The following SNTB1 variants were observed in gnomAD, a reference collection of about 807,000 sequenced individuals.
SNTB1 encodes the protein beta-1-syntrophin.
SNTB1 carries 36 observed loss-of-function variants against 48.9 expected under a neutral mutation model. The ratio of observed to expected loss-of-function variants is 0.74; its 90% CI spans 0.56 to 0.97. SNTB1 has a LOEUF of 0.97. SNTB1 is among the 50% of genes least tolerant of loss of function. The pLI is 0.00. For missense variants in SNTB1, 786 were observed against 703.4 expected (o/e 1.12, Z -1.33); for synonymous variants, 299 against 294.6 (o/e 1.01, Z -0.15).
chr8:120,783,817 C>T (rs1395766842), intron 1 of SNTB1, among the ~76,000 whole-genome samples: 3 of 151,994 alleles, frequency 2.0e-5, no homozygotes, highest in Non-Finnish European at 4.4e-5. Context: ...ATAGATAAAA[C>T]AAAAATTTTT....
intron 3 of SNTB1, among the ~76,000 whole-genome samples, chr8:120,598,479 A>G (rs1004290895): frequency 2.6e-5 from 4 of 152,178 alleles, no homozygotes; most frequent in Admixed American, 6.5e-5. Context: ...CTCTGTGCTA[A>G]GTACTGAACT....
chr8:120,666,403 A>T (rs961705401), intron 2 of SNTB1, among the ~76,000 whole-genome samples: 1 of 152,182 alleles, frequency 6.6e-6, no homozygotes, highest in African/African-American at 2.4e-5. Flanking sequence ...TGTTGCTTAA[A>T]TGCCTGCTCA....
chr8:120,794,649 T>C (rs1820092155), intron 1 of SNTB1, among the ~76,000 whole-genome samples: 1 of 152,004 alleles, frequency 6.6e-6, no homozygotes, highest in South Asian at 2.1e-4. Flanking sequence ...TTTAGGTTAT[T>C]TGGTAATATT....
intron 1 of SNTB1, among the ~76,000 whole-genome samples, chr8:120,721,728 T>A (rs1424885039): frequency 6.6e-6 from 1 of 152,216 alleles, no homozygotes; most frequent in Non-Finnish European, 1.5e-5. Context: ...AGTTTATTTT[T>A]TTCATTTTTA....
At chr8:120,647,202 T>C (rs1817312890) in intron 2 of SNTB1, among the ~76,000 whole-genome samples, 1 of 134,560 alleles carries the variant, frequency 7.4e-6, no homozygotes, top group African/African-American at 2.8e-5. Flanking sequence ...TCTTGACTTC[T>C]GCTAGCTTTT....
At chr8:120,749,724 C>T (rs1393379600) in intron 1 of SNTB1, among the ~76,000 whole-genome samples, 1 of 152,024 alleles carries the variant, frequency 6.6e-6, no homozygotes, top group South Asian at 2.1e-4. Flanking sequence ...TTTACATTTC[C>T]GCTGCAAGTC....
chr8:120,548,899 G>T lies in SNTB1; in HGVS notation c.1196C>A (p.Ala399Glu). ...CCCTTGCCTGGTACCAGTTCGCGTT[G>T]CAAAGGACAGATCCACACCAGCCTG... ...SPQAGVDLSF[A>E]TRTGTRQGIE... is the part of the protein sequence containing the mutation. Residue 399 changes from alanine (A) to glutamate (E), a missense_variant, in exon 5 of 7, where the codon GCA becomes GAA. Ala to Glu is a moderately radical substitution (Grantham distance 107). Transcript: ENST00000517992. 6.2e-7 allele frequency: 1 copy of T among 1,612,010 alleles called. No homozygotes were observed. The highest frequency in any genetic ancestry group is 8.5e-7 in the Non-Finnish European group (1 of 1,178,988).
intron 4 of SNTB1, among the ~76,000 whole-genome samples, chr8:120,551,154 G>C (rs952312100): frequency 1.8e-4 from 27 of 151,658 alleles, no homozygotes; most frequent in African/African-American, 5.8e-4. Context: ...TACTTGGGAG[G>C]CTGAGGCAGA....
intron 1 of SNTB1, among the ~76,000 whole-genome samples, chr8:120,700,039 C>T (rs745925112): frequency 1.3e-4 from 20 of 152,190 alleles, no homozygotes; most frequent in Non-Finnish European, 1.9e-4. Context: ...TTTGGTCATT[C>T]GCCCAAAGTC....
chr8:120,565,395 A>G (rs970242821), intron 4 of SNTB1, among the ~76,000 whole-genome samples: 3 of 152,202 alleles, frequency 2.0e-5, no homozygotes, highest in Non-Finnish European at 2.9e-5. Context: ...GAAGGACTTG[A>G]GGCAAAAAGA....
In SNTB1 at chr8:120,693,890, GCTTCTCGCATGTA is replaced by G; in HGVS notation, c.577_589del (p.Tyr193ProfsTer5). 1.2e-6 allele frequency: 2 copies of G among 1,613,852 alleles called. No homozygotes were observed. The highest frequency in any genetic ancestry group is 1.7e-6 in the Non-Finnish European group (2 of 1,179,812). ...GGATCCTTTCTTCACATAGGGCGTG[GCTTCTCGCATGTA>G]CTTCACTGCAAGGAAAAAGACAACA... On this transcript the variant is annotated frameshift_variant, in exon 2 of 7. Coordinates refer to ENST00000517992, the MANE Select transcript of SNTB1 (RefSeq NM_021021.4). LOFTEE classifies it high-confidence loss of function.
At position 120,600,633 on chromosome 8, in the gene SNTB1, T is replaced by G. The variant is rs564481380; in HGVS notation, c.997-25408A>C. 3.9e-5 allele frequency among the ~76,000 whole-genome samples: 6 copies of G among 152,268 alleles called. 1 individual carries two copies. The South Asian group carries it at 1.2e-3, about 32-fold the overall frequency. ...AATTCCTTACTTGTCTTTTATTCCATGTATCAATTTGTCATTTAATTTATC... is the reference window on the plus strand; with the variant it reads ...AATTCCTTACTTGTCTTTTATTCCAGGTATCAATTTGTCATTTAATTTATC... On this transcript the variant is annotated intron_variant, in intron 3 of 6. Transcript: ENST00000517992.
chr8:120,764,302 C>A (rs931171955), intron 1 of SNTB1, among the ~76,000 whole-genome samples: 2 of 152,042 alleles, frequency 1.3e-5, no homozygotes, highest in Non-Finnish European at 2.9e-5. Context: ...GGAAAGATAT[C>A]CAAGAAATAC....
At chr8:120,615,844 CTTT>C (rs973081832) in intron 3 of SNTB1, among the ~76,000 whole-genome samples, 5 of 152,096 alleles carry the variant, frequency 3.3e-5, no homozygotes, top group African/African-American at 9.6e-5. Flanking sequence ...ATCTTTTCTT[CTTT>C]CTTTCCTACC....
intron 1 of SNTB1, among the ~76,000 whole-genome samples, chr8:120,787,268 TAAAAAAGA>T (rs1203335234): frequency 6.6e-6 from 1 of 151,722 alleles, no homozygotes; most frequent in Non-Finnish European, 1.5e-5. Context: ...ATAGTTTACC[TAAAAAAGA>T]AAAAAATGAG....
chr8:120,741,128 A>G (rs1311091109), intron 1 of SNTB1, among the ~76,000 whole-genome samples: 1 of 152,190 alleles, frequency 6.6e-6, no homozygotes, highest in African/African-American at 2.4e-5. Flanking sequence ...ATCCACTTCT[A>G]CTTTATACAG....
chr8:120,588,520 T>G (rs1183229635), intron 3 of SNTB1, among the ~76,000 whole-genome samples: 1 of 104,688 alleles, frequency 9.6e-6, no homozygotes, highest in Non-Finnish European at 2.1e-5. Context: ...CTGCCCCAAC[T>G]GGGAATAGCC....
At chr8:120,657,433 G>T (rs1045801736) in intron 2 of SNTB1, among the ~76,000 whole-genome samples, 1 of 152,200 alleles carries the variant, frequency 6.6e-6, no homozygotes, top group Admixed American at 6.5e-5. Flanking sequence ...GTCTTGAAAG[G>T]AATCTGAGGC....
In SNTB1 at chr8:120,807,429, C is replaced by T. The variant is rs895605142; in HGVS notation, c.571+3844G>A. Among the ~76,000 whole-genome samples the T allele has an allele frequency of 2.0e-5, 3 of 152,336 alleles. No individual in the cohort carries two copies. The South Asian group carries it at 6.2e-4, about 32-fold the overall frequency. On this transcript the variant is annotated intron_variant, in intron 1 of 6. Coordinates refer to ENST00000517992, the MANE Select transcript of SNTB1 (RefSeq NM_021021.4). ...TCCAATACCTGCATGGCTGGATGCG[C>T]AGTCCCTGCCCCTACTCCTTAAAAT...
Sources: allele counts gnomAD v4.1 joint callset (sites outside exome capture counted in the v4.1 genomes callset), GRCh38; gene constraint gnomAD v4.1.1; transcripts MANE v1.5; gene names NCBI Gene and HGNC (gene_info 2026-07-23, HGNC 2026-07-21).